LAMB4: variants seen among roughly 807,000 people sequenced by gnomAD.
The protein encoded by LAMB4 is laminin subunit beta-4.
LAMB4 carries 196 observed loss-of-function variants against 199.2 expected under a neutral mutation model. The observed-to-expected ratio is 0.98, with a 90% CI of 0.88 to 1.11. LAMB4 has a LOEUF of 1.11. LAMB4 is among the 50% of genes least tolerant of loss of function. LAMB4 has a pLI of 0.00. For synonymous variants in LAMB4, 744 were observed against 770.6 expected (o/e 0.97, Z 0.57); for missense variants, 2,080 against 2,171.2 (o/e 0.96, Z 0.83).
intron 3 of LAMB4, among the ~76,000 whole-genome samples, 155 bp from the exon 4 acceptor site, chr7:108,112,101 G>T (rs548069394): frequency 8.0e-4 from 122 of 152,084 alleles, no homozygotes; most frequent in Non-Finnish European, 1.4e-3. Flanking sequence ...CCTATCAGTA[G>T]GTGCCTAAGT....
chr7:108,033,387 T>C (rs2035108181), intron 31 of LAMB4, among the ~76,000 whole-genome samples: 1 of 152,164 alleles, frequency 6.6e-6, no homozygotes, highest in African/African-American at 2.4e-5. Flanking sequence ...TTTCCTCGTG[T>C]ATTACTTCTT....
intron 26 of LAMB4, 79 bp from the exon 27 acceptor site, chr7:108,049,610 C>A: frequency 1.3e-6 from 1 of 793,396 alleles, no homozygotes; most frequent in Admixed American, 3.0e-5. Flanking sequence ...GATAATCATT[C>A]TATAATTTGG....
At chr7:108,065,979 T>C in intron 20 of LAMB4, 60 bp from the exon 21 acceptor site, 7 of 1,512,308 alleles carry the variant, frequency 4.6e-6, no homozygotes, top group Non-Finnish European at 6.4e-6. Flanking sequence ...TGTTAGCCAA[T>C]GACGGTTTGC....
intron 19 of LAMB4, 89 bp from the exon 20 acceptor site, chr7:108,066,689 C>T (rs2036355727): frequency 8.3e-6 from 7 of 842,176 alleles, no homozygotes; most frequent in Middle Eastern, 2.4e-4. Context: ...CATTTCCTTT[C>T]CCAATCCCAG....
chr7:108,068,841 G>A (rs149820401), intron 18 of LAMB4, among the ~76,000 whole-genome samples: 9 of 152,036 alleles, frequency 5.9e-5, no homozygotes, highest in South Asian at 2.1e-4. Context: ...TTACAGTCAC[G>A]TGCCATCACA....
intron 8 of LAMB4, 109 bp from the exon 9 acceptor site, chr7:108,104,728 G>T: frequency 2.5e-6 from 3 of 1,217,122 alleles, no homozygotes; most frequent in South Asian, 1.7e-5. Flanking sequence ...CTGATCCTTA[G>T]TTTCCCATAT....
chr7:108,081,077 G>A (rs915030017), intron 14 of LAMB4, among the ~76,000 whole-genome samples: 21 of 152,140 alleles, frequency 1.4e-4, no homozygotes, highest in African/African-American at 3.6e-4. Context: ...AGTCGAGATC[G>A]CGCCACTGCA....
At chr7:108,015,017 C>T in the LAMB4 span, among the ~76,000 whole-genome samples, 2 of 151,904 alleles carry the variant, frequency 1.3e-5, no homozygotes, top group African/African-American at 4.8e-5. Context: ...CCACTGCGCC[C>T]GGCCTAGAAC....
At chr7:108,063,018 G>C (rs747848426) in intron 22 of LAMB4, 24 bp from the exon 23 acceptor site, 14 of 1,465,316 alleles carry the variant, frequency 9.6e-6, no homozygotes, top group South Asian at 4.0e-5. Flanking sequence ...ACCATCATCA[G>C]AGGTAAATTC....
At chr7:108,027,670 C>A (rs2034883797) in intron 33 of LAMB4, among the ~76,000 whole-genome samples, 1 of 152,158 alleles carries the variant, frequency 6.6e-6, no homozygotes, top group African/African-American at 2.4e-5. Context: ...AAATTACCAT[C>A]TGATATTTCT....
At chr7:108,062,729 A>C in intron 23 of LAMB4, 45 bp downstream of exon 23, 2 of 1,121,790 alleles carry the variant, frequency 1.8e-6, no homozygotes, top group Non-Finnish European at 2.4e-6. Context: ...ATGTCTCACT[A>C]TCATGCTCAC....
Position 108,069,875 on chromosome 7 carries a change from AT to A in LAMB4, c.2134del (p.Ile712PhefsTer16), listed in dbSNP as rs777567317. 3.7e-6 allele frequency: 6 copies of A among 1,611,058 alleles called. No homozygotes were observed. In the African/African-American group the frequency reaches 6.7e-5, roughly 18 times the overall value. On this transcript the variant is annotated frameshift_variant, in exon 18 of 34. Transcript: ENST00000388781. LOFTEE classifies it high-confidence loss of function. ...SHVLVDSLGL[I>X]PQINSLENFC... ...ATTCTCCAATGAATTGATTTGGGGA[AT>A]AAGGCCAAGCTTTTGAAAGAATGCA...
At chr7:108,116,248 A>G (rs1483962055) in intron 2 of LAMB4, 87 bp from the exon 3 acceptor site, 3 of 1,269,442 alleles carry the variant, frequency 2.4e-6, no homozygotes, top group South Asian at 3.1e-5. Flanking sequence ...GGGGAAAGTT[A>G]TGTATTTATT....
At chr7:108,082,308 C>T (rs960887224) in intron 14 of LAMB4, among the ~76,000 whole-genome samples, 3 of 127,630 alleles carry the variant, frequency 2.4e-5, no homozygotes, top group South Asian at 2.4e-4. Flanking sequence ...CCAGCCTGGG[C>T]GAAAGAGCGA....
At chr7:108,049,103 G>A (rs1165041174) in intron 27 of LAMB4, among the ~76,000 whole-genome samples, 1 of 151,776 alleles carries the variant, frequency 6.6e-6, no homozygotes, top group African/African-American at 2.4e-5. Context: ...AAATAATCAA[G>A]CCACAATCTT....
intron 24 of LAMB4, 37 bp downstream of exon 24, chr7:108,057,795 A>T (rs1186513497): frequency 7.4e-7 from 1 of 1,343,404 alleles, no homozygotes; most frequent in Non-Finnish European, 1.1e-6. Flanking sequence ...GGCCAGGCTG[A>T]CTGTACGCAT....
At chr7:108,128,800 G>C (rs762840351) in intron 1 of LAMB4, among the ~76,000 whole-genome samples, 1 of 152,214 alleles carries the variant, frequency 6.6e-6, no homozygotes, top group Non-Finnish European at 1.5e-5. Flanking sequence ...ACATTGGAAA[G>C]CCTCTCAGGG....
chr7:108,022,821 T>C (rs2034719427), downstream of LAMB4, among the ~76,000 whole-genome samples: 1 of 152,150 alleles, frequency 6.6e-6, no homozygotes, highest in African/African-American at 2.4e-5. Flanking sequence ...GTTTGTTTGT[T>C]TTGTTTTTTG....
chr7:108,059,639 C>T (rs2036095862), intron 23 of LAMB4, among the ~76,000 whole-genome samples: 1 of 152,180 alleles, frequency 6.6e-6, no homozygotes, highest in South Asian at 2.1e-4. Flanking sequence ...CTGCCCTTAA[C>T]CTGGGCACAG....
Sources: gnomAD v4.1 joint callset for allele counts (sites outside exome capture counted in the v4.1 genomes callset) on GRCh38, gnomAD v4.1.1 for gene constraint, MANE v1.5 for transcripts, NCBI Gene and HGNC (gene_info 2026-07-23, HGNC 2026-07-21) for gene names.